The following MLIP variants were observed in gnomAD, a reference collection of about 807,000 sequenced individuals.
MLIP encodes muscular LMNA interacting protein, also known as muscular LMNA-interacting protein.
A neutral mutation model predicts 84.8 loss-of-function variants in MLIP; 79 were observed. The observed-to-expected ratio is 0.93, with a 90% CI of 0.78 to 1.12. MLIP has a LOEUF of 1.12. MLIP is among the 50% of genes most tolerant of loss of function. The pLI is 0.00. For missense variants in MLIP, 1,257 were observed against 1,160.6 expected (o/e 1.08, Z -1.21); for synonymous variants, 504 against 463.0 (o/e 1.09, Z -1.14).
At chr6:54,208,696 G>A (rs549608822) in intron 11 of MLIP, among the ~76,000 whole-genome samples, 1 of 152,316 alleles carries the variant, frequency 6.6e-6, no homozygotes, top group African/African-American at 2.4e-5. Flanking sequence ...AGATTAGCCT[G>A]TGTATAGAAC....
chr6:54,160,663 C>CT lies in MLIP; in HGVS notation c.2439+67dup, dbSNP rs559583404. The CT allele has an allele frequency of 2.1e-3, 3,130 of 1,514,630 alleles. 7 individuals carry two copies. The highest frequency in any genetic ancestry group is 2.2e-3 in the Non-Finnish European group (2,389 of 1,092,314). 93.8% of individuals were successfully genotyped at this position (1,514,630 alleles called of 1,614,324 possible). The stretch of plus-strand genomic sequence containing the variant: ...CTTTGCTTCTCTTCATTTTCCTCTA[C>CT]TTTAGTATGATGCCTCACAGGCTTG... On this transcript the variant is annotated intron_variant, in intron 7 of 13. Coordinates refer to ENST00000502396, the MANE Select transcript of MLIP (RefSeq NM_001281747.2).
rs540378799 is a variant in MLIP, at chr6:54,185,223, T to C, written c.2545-4647T>C. On this transcript the variant is annotated intron_variant, in intron 9 of 13. Transcript: ENST00000502396. The stretch of plus-strand genomic sequence containing the variant: ...AAAGGATTGGATGTAATTGGATTCA[T>C]TGAAAAAACCTGGTTACTTTAGTGA... Among the ~76,000 whole-genome samples the C allele has an allele frequency of 3.3e-5, 5 of 152,320 alleles. No individual in the cohort carries two copies. The South Asian group carries it at 6.2e-4, about 19-fold the overall frequency.
rs539666113 is a variant in MLIP at position 54,057,864 on chromosome 6, C to G, written c.63+38773C>G. 12 of 152,220 alleles carry G rather than the reference C, an allele frequency of 7.9e-5. No homozygotes were observed. The South Asian group carries it at 2.5e-3, about 32-fold the overall frequency. The allele number at this position is 152,220 out of a possible 1,614,324, so 9.4% of individuals were successfully genotyped here. A position where few individuals can be genotyped will look rare whatever the true frequency, so the allele number is the denominator to read the frequency against. On this transcript the variant is annotated intron_variant, in intron 1 of 12. Transcript: ENST00000274897. ...AAGAAATGCAAGAGACCTTTACAAACTGTTTGAGACAGAGAGGCAAAAATA... is the reference window on the plus strand; with the variant it reads ...AAGAAATGCAAGAGACCTTTACAAAGTGTTTGAGACAGAGAGGCAAAAATA...
chr6:54,058,128 G>C (rs1765765724), intron 1 of MLIP: 1 of 111,186 alleles, frequency 9.0e-6, no homozygotes, highest in Admixed American at 1.1e-4. Context: ...GTGTGTGTAT[G>C]TGTATATTTT....
intron 9 of MLIP, among the ~76,000 whole-genome samples, chr6:54,187,401 CGAG>C: frequency 6.6e-6 from 1 of 152,032 alleles, no homozygotes; most frequent in Admixed American, 6.5e-5. Flanking sequence ...TGGTATTTAA[CGAG>C]GGGGGACTAT....
At chr6:54,030,657 T>C (rs902152906) in intron 1 of MLIP, 2 of 152,262 alleles carry the variant, frequency 1.3e-5, no homozygotes, top group East Asian at 3.9e-4. Context: ...GTAAGATATT[T>C]TCCTAGGAAA....
At chr6:54,094,122 A>G (rs1768049466) in intron 1 of MLIP, among the ~76,000 whole-genome samples, 2 of 152,148 alleles carry the variant, frequency 1.3e-5, no homozygotes, top group African/African-American at 4.8e-5. Flanking sequence ...GATGATGGCA[A>G]TAATATTAAT....
At position 54,035,348 on chromosome 6, in the gene MLIP, GT is replaced by G. The variant is rs528365760; in HGVS notation, c.63+16260del. On this transcript the variant is annotated intron_variant, in intron 1 of 12. Transcript: ENST00000274897. ...ATGTTATAGCTCCAGCTATATCACA[GT>G]TTAATGATTTGTCCAGTGAGGAATA... Among the ~76,000 whole-genome samples the G allele has an allele frequency of 1.6e-4, 24 of 152,252 alleles. 1 individual carries two copies. The South Asian group carries it at 4.1e-3, about 26-fold the overall frequency.
chr6:54,020,090 A>G (rs957698705), intron 1 of MLIP, among the ~76,000 whole-genome samples: 1 of 152,188 alleles, frequency 6.6e-6, no homozygotes, highest in African/African-American at 2.4e-5. Context: ...GACTATTTGG[A>G]AAGGCCATGT....
chr6:54,102,174 G>A (rs918786332), intron 1 of MLIP, among the ~76,000 whole-genome samples: 1 of 152,136 alleles, frequency 6.6e-6, no homozygotes, highest in Non-Finnish European at 1.5e-5. Flanking sequence ...CTCATGTGCT[G>A]GTTGAGCAAG....
chr6:54,092,105 TG>T (rs1277372535), intron 1 of MLIP, among the ~76,000 whole-genome samples: 1 of 152,122 alleles, frequency 6.6e-6, no homozygotes, highest in African/African-American at 2.4e-5. Flanking sequence ...AAAAATAGGA[TG>T]GGTTTCAATA....
At chr6:54,217,896 T>C (rs1004683800) in intron 11 of MLIP, 5 of 984,804 alleles carry the variant, frequency 5.1e-6, no homozygotes, top group Non-Finnish European at 6.0e-6. Context: ...TCATTTAGAA[T>C]AGTGATCTCT....
intron 11 of MLIP, chr6:54,216,607 C>CT (rs1301883630): frequency 4.1e-6 from 4 of 971,576 alleles, no homozygotes; most frequent in Admixed American, 6.2e-5. Context: ...TATTAAAAAT[C>CT]TTTTTTTATA....
At chr6:54,257,420 A>C (rs561477778) in intron 13 of MLIP, 59 bp downstream of exon 13, 1 of 1,287,246 alleles carries the variant, frequency 7.8e-7, no homozygotes, top group South Asian at 1.3e-5. Context: ...TATAGAAATA[A>C]ACCAATCTTA....
chr6:54,041,562 G>C (rs1764742959), intron 1 of MLIP, among the ~76,000 whole-genome samples: 1 of 152,046 alleles, frequency 6.6e-6, no homozygotes, highest in African/African-American at 2.4e-5. Flanking sequence ...GTGAGTTCCA[G>C]TTGGTCTACA....
At chr6:54,183,896 T>G (rs984208671) in intron 9 of MLIP, among the ~76,000 whole-genome samples, 1 of 152,022 alleles carries the variant, frequency 6.6e-6, no homozygotes, top group Non-Finnish European at 1.5e-5. Context: ...GAAGGCATGA[T>G]GTGTCATAAT....
At chr6:54,081,684 A>G (rs1281168010) in intron 1 of MLIP, among the ~76,000 whole-genome samples, 1 of 152,136 alleles carries the variant, frequency 6.6e-6, no homozygotes, top group African/African-American at 2.4e-5. Context: ...AAGTGCTGGG[A>G]TTACAGACGT....
intron 8 of MLIP, among the ~76,000 whole-genome samples, chr6:54,165,502 T>C (rs1332481179): frequency 6.6e-6 from 1 of 151,944 alleles, no homozygotes; most frequent in African/African-American, 2.4e-5. Context: ...GTTCACCCCA[T>C]TGATCTCCTT....
Position 54,136,954 on chromosome 6 carries a change from G to C in MLIP, c.885G>C (p.Ser295=). ...TTTCTGCATCGAAGGGCACCTCCTC[G>C]ACGTTACTGTTTCCCCATTCCACTC... is the stretch of plus-strand genomic sequence containing the variant. ...TPFSASKGTS[S]TLLFPHSTQL... Residue 295 remains serine (S), a synonymous_variant, in exon 4 of 14, where the codon TCG becomes TCC. Transcript: ENST00000502396. 1 of 1,536,028 alleles carries C rather than the reference G, an allele frequency of 6.5e-7. No homozygotes were observed. The highest frequency in any genetic ancestry group is 8.7e-7 in the Non-Finnish European group (1 of 1,146,860).
Sources: allele counts gnomAD v4.1 joint callset (sites outside exome capture counted in the v4.1 genomes callset), GRCh38; gene constraint gnomAD v4.1.1; transcripts MANE v1.5; gene names NCBI Gene and HGNC (gene_info 2026-07-23, HGNC 2026-07-21).